The following CNTNAP2 variants were observed in gnomAD, a reference collection of about 807,000 sequenced individuals.
The protein encoded by CNTNAP2 is contactin-associated protein-like 2.
Under a neutral mutation model 155.2 loss-of-function variants are expected in CNTNAP2, and 98 were observed. That is an observed-to-expected ratio of 0.63 (90% CI 0.54 to 0.75). The LOEUF (loss-of-function observed/expected upper bound fraction) is 0.75, where lower values mean the gene tolerates loss of function less well. CNTNAP2 is among the 30% of genes least tolerant of loss of function. The pLI is 0.00. For missense variants in CNTNAP2, 1,727 were observed against 1,688.1 expected (o/e 1.02, Z -0.40); for synonymous variants, 651 against 631.2 (o/e 1.03, Z -0.47).
At chr7:148,254,130 G>T (rs1286422820) in intron 20 of CNTNAP2, among the ~76,000 whole-genome samples, 1 of 152,044 alleles carries the variant, frequency 6.6e-6, no homozygotes, top group Admixed American at 6.6e-5. Context: ...TACAGCAAAG[G>T]CCCTGCTTTG....
At chr7:147,935,890 A>G (rs1800598428) in intron 14 of CNTNAP2, among the ~76,000 whole-genome samples, 1 of 152,220 alleles carries the variant, frequency 6.6e-6, no homozygotes, top group African/African-American at 2.4e-5. Flanking sequence ...GAAATAATGT[A>G]TGCATTGTAG....
chr7:147,856,080 A>T (rs114696231), intron 13 of CNTNAP2, among the ~76,000 whole-genome samples: 253 of 152,284 alleles, frequency 1.7e-3, no homozygotes, highest in African/African-American at 5.7e-3. Context: ...CACCTGGATC[A>T]CCAAGATAAA....
chr7:148,241,118 C>CTAGCTAT (rs1796135220), intron 20 of CNTNAP2, among the ~76,000 whole-genome samples: 1 of 152,182 alleles, frequency 6.6e-6, no homozygotes, highest in African/African-American at 2.4e-5. Flanking sequence ...CTTAATAGCT[C>CTAGCTAT]TGTGTTCTCT....
At chr7:147,421,310 T>C (rs913417401) in intron 10 of CNTNAP2, among the ~76,000 whole-genome samples, 1 of 152,110 alleles carries the variant, frequency 6.6e-6, no homozygotes, top group African/African-American at 2.4e-5. Flanking sequence ...ATTAGAGAAA[T>C]AGAAACTACT....
chr7:148,009,942 G>A (rs1430582469), intron 15 of CNTNAP2, among the ~76,000 whole-genome samples: 2 of 151,994 alleles, frequency 1.3e-5, no homozygotes, highest in African/African-American at 4.8e-5. Flanking sequence ...TCATGTGCAA[G>A]AATTTCTCTA....
At chr7:146,331,349 G>A (rs914134300) in intron 1 of CNTNAP2, among the ~76,000 whole-genome samples, 2 of 151,204 alleles carry the variant, frequency 1.3e-5, no homozygotes, top group African/African-American at 4.9e-5. Context: ...TAAATTATTC[G>A]GCCCTTTATT....
intron 11 of CNTNAP2, among the ~76,000 whole-genome samples, chr7:147,525,154 T>C (rs1439419407): frequency 6.6e-6 from 1 of 152,210 alleles, no homozygotes; most frequent in Non-Finnish European, 1.5e-5. Context: ...AACATATTTG[T>C]TTTGACATAA....
chr7:146,712,263 A>G, intron 1 of CNTNAP2, among the ~76,000 whole-genome samples: 1 of 136,174 alleles, frequency 7.3e-6, no homozygotes, highest in Non-Finnish European at 1.6e-5. Flanking sequence ...ATATGTATAC[A>G]TATCTTATGT....
intron 12 of CNTNAP2, among the ~76,000 whole-genome samples, chr7:147,578,799 C>A (rs1473237374): frequency 1.3e-5 from 2 of 151,980 alleles, no homozygotes; most frequent in African/African-American, 4.8e-5. Context: ...CACTTTAAAA[C>A]CCTGTGTATT....
chr7:146,802,209 C>T (rs1802890664), intron 2 of CNTNAP2, among the ~76,000 whole-genome samples: 1 of 152,064 alleles, frequency 6.6e-6, no homozygotes, highest in South Asian at 2.1e-4. Context: ...GTTGGCCGGA[C>T]TAAGGTACTT....
At chr7:146,617,801 G>A (rs1241913257) in intron 1 of CNTNAP2, among the ~76,000 whole-genome samples, 1 of 152,042 alleles carries the variant, frequency 6.6e-6, no homozygotes, top group African/African-American at 2.4e-5. Flanking sequence ...AGTCTGAAAC[G>A]TAAAATTTCT....
intron 3 of CNTNAP2, among the ~76,000 whole-genome samples, chr7:146,930,192 G>T (rs1278051727): frequency 4.6e-5 from 7 of 152,298 alleles, no homozygotes; most frequent in Non-Finnish European, 1.0e-4. Context: ...CAGAGAGAAA[G>T]GTCGGGTTAC....
At chr7:147,826,083 A>G (rs1485249450) in intron 13 of CNTNAP2, among the ~76,000 whole-genome samples, 1 of 152,200 alleles carries the variant, frequency 6.6e-6, no homozygotes, top group African/African-American at 2.4e-5. Context: ...GCCAGGCAAT[A>G]GAAGGCCATC....
At chr7:146,605,799 G>A (rs1356150881) in intron 1 of CNTNAP2, among the ~76,000 whole-genome samples, 1 of 152,090 alleles carries the variant, frequency 6.6e-6, no homozygotes, top group African/African-American at 2.4e-5. Flanking sequence ...TTTACTGCTG[G>A]TGACTAGGCA....
At position 146,661,841 on chromosome 7, in the gene CNTNAP2, G is replaced by A. The variant is rs1800095572; in HGVS notation, c.98-112430G>A. On this transcript the variant is annotated intron_variant, in intron 1 of 23. Coordinates refer to ENST00000361727, the MANE Select transcript of CNTNAP2 (RefSeq NM_014141.6). ...AATGTTGGAGTAAATGGCTGGGTAG[G>A]ATGGTATATGTTCATTTTTGTATGT... is the stretch of plus-strand genomic sequence containing the variant. 2.6e-5 allele frequency among the ~76,000 whole-genome samples: 4 copies of A among 151,828 alleles called. No individual in the cohort carries two copies. In the South Asian group the frequency reaches 8.3e-4, roughly 31 times the overall value.
chr7:147,062,819 CT>C (rs1374441059), intron 4 of CNTNAP2, among the ~76,000 whole-genome samples: 3 of 152,074 alleles, frequency 2.0e-5, no homozygotes, highest in African/African-American at 7.2e-5. Context: ...AGCGTCTGTT[CT>C]TAACCTCACA....
chr7:148,075,231 G>A (rs1460689503), intron 15 of CNTNAP2, among the ~76,000 whole-genome samples: 1 of 152,174 alleles, frequency 6.6e-6, no homozygotes, highest in African/African-American at 2.4e-5. Context: ...GACGTTAGGA[G>A]TTCAAGATCA....
chr7:148,296,219 G>T (rs1216682257), intron 21 of CNTNAP2, among the ~76,000 whole-genome samples: 2 of 152,038 alleles, frequency 1.3e-5, no homozygotes, highest in Non-Finnish European at 2.9e-5. Flanking sequence ...ATGTCAAAAA[G>T]GTCCCCAAAA....
At chr7:147,798,646 A>G (rs914025885) in intron 13 of CNTNAP2, among the ~76,000 whole-genome samples, 9 of 152,200 alleles carry the variant, frequency 5.9e-5, no homozygotes, top group Non-Finnish European at 8.8e-5. Context: ...TAAGGCTTTC[A>G]TGAATTTCCC....
Sources: allele counts gnomAD v4.1 joint callset (sites outside exome capture counted in the v4.1 genomes callset), GRCh38; gene constraint gnomAD v4.1.1; transcripts MANE v1.5; gene names NCBI Gene and HGNC (gene_info 2026-07-23, HGNC 2026-07-21).